RIN3: variants seen among roughly 807,000 people sequenced by gnomAD.
The protein encoded by RIN3 is Ras and Rab interactor 3.
In RIN3, 54 loss-of-function variants were observed where a neutral mutation model predicts 76.3. The observed-to-expected ratio is 0.71, with a 90% CI of 0.57 to 0.89. The LOEUF (loss-of-function observed/expected upper bound fraction) is 0.89. Ranked by LOEUF, RIN3 falls within the 40% of genes least tolerant of loss-of-function variation. The probability of loss-of-function intolerance (pLI) is 0.00; values close to 1 mark genes in which losing one functional copy is unlikely to be tolerated. For synonymous variants in RIN3, 576 were observed against 564.0 expected, an observed-to-expected ratio of 1.02 and a Z score of -0.30; for missense variants, 1,256 against 1,322.1, an observed-to-expected ratio of 0.95 and a Z score of 0.78.
chr14:92,587,673 C>T (rs1412288451), intron 3 of RIN3, among the ~76,000 whole-genome samples: 2 of 151,716 alleles, frequency 1.3e-5, no homozygotes, highest in African/African-American at 2.4e-5. Flanking sequence ...TCAACTGTCT[C>T]GGGGGTCCAG....
chr14:92,559,105 G>A (rs922485509), intron 2 of RIN3, among the ~76,000 whole-genome samples: 3 of 152,110 alleles, frequency 2.0e-5, no homozygotes, highest in South Asian at 2.1e-4. Flanking sequence ...GACCTCAGGT[G>A]ATCCTCCCAC....
At chr14:92,626,427 T>G (rs1157835445) in intron 4 of RIN3, among the ~76,000 whole-genome samples, 2 of 152,174 alleles carry the variant, frequency 1.3e-5, no homozygotes, top group African/African-American at 4.8e-5. Context: ...CTTAAGTTCT[T>G]TCTTTAAACC....
At chr14:92,570,239 A>G (rs1407557155) in intron 2 of RIN3, among the ~76,000 whole-genome samples, 1 of 152,156 alleles carries the variant, frequency 6.6e-6, no homozygotes, top group Non-Finnish European at 1.5e-5. Flanking sequence ...CAGGGGCACC[A>G]CTGGCTCCTG....
At chr14:92,538,288 G>A (rs1897055000) in intron 1 of RIN3, among the ~76,000 whole-genome samples, 1 of 152,220 alleles carries the variant, frequency 6.6e-6, no homozygotes, top group African/African-American at 2.4e-5. Flanking sequence ...GATTTTTAAT[G>A]GCTATATATT....
intron 2 of RIN3, among the ~76,000 whole-genome samples, chr14:92,559,049 C>A (rs1025603738): frequency 6.6e-6 from 1 of 151,914 alleles, no homozygotes; most frequent in Non-Finnish European, 1.5e-5. Flanking sequence ...GTATTTTTAG[C>A]AGAGACAGGG....
At chr14:92,682,786 T>C (rs1888713025) in intron 8 of RIN3, among the ~76,000 whole-genome samples, 1 of 152,220 alleles carries the variant, frequency 6.6e-6, no homozygotes, top group African/African-American at 2.4e-5. Flanking sequence ...TTGATGTTAC[T>C]TCCCCAAATA....
chr14:92,604,909 CTTTTTTTTTTTTTTTTTTTTTTT>C (rs148326639), intron 3 of RIN3, among the ~76,000 whole-genome samples: 1 of 90,050 alleles, frequency 1.1e-5, no homozygotes, highest in African/African-American at 4.9e-5. Flanking sequence ...CCATTTTCCT[CTTTTTTTTTTTTTTTTTTTTTTT>C]TTTTTTTTTT....
At chr14:92,630,428 G>C (rs544384428) in intron 4 of RIN3, among the ~76,000 whole-genome samples, 2 of 152,314 alleles carry the variant, frequency 1.3e-5, no homozygotes, top group East Asian at 3.9e-4. Flanking sequence ...GGAGGCAGAG[G>C]TTGCAGTGAA....
At chr14:92,582,211 G>A (rs966445455) in intron 3 of RIN3, among the ~76,000 whole-genome samples, 3 of 152,150 alleles carry the variant, frequency 2.0e-5, no homozygotes, top group African/African-American at 4.8e-5. Context: ...AGACAGAGAC[G>A]GCCAGCCTAC....
At chr14:92,609,408 G>A (rs1432232347) in intron 3 of RIN3, among the ~76,000 whole-genome samples, 9 of 152,170 alleles carry the variant, frequency 5.9e-5, no homozygotes, top group Non-Finnish European at 1.3e-4. Flanking sequence ...CCTGGTGCCT[G>A]TTCTCACACC....
intron 1 of RIN3, among the ~76,000 whole-genome samples, chr14:92,522,459 A>G (rs528567344): frequency 6.6e-6 from 1 of 152,276 alleles, no homozygotes; most frequent in Admixed American, 6.5e-5. Flanking sequence ...AGTACGTGTT[A>G]CCTTGTATTC....
At chr14:92,622,266 G>A (rs1288746214) in intron 4 of RIN3, among the ~76,000 whole-genome samples, 1 of 152,204 alleles carries the variant, frequency 6.6e-6, no homozygotes, top group African/African-American at 2.4e-5. Context: ...GCATCCTCCT[G>A]TGGGCTCCAA....
At chr14:92,528,996 G>A (rs959687598) in intron 1 of RIN3, among the ~76,000 whole-genome samples, 2 of 152,140 alleles carry the variant, frequency 1.3e-5, no homozygotes, top group African/African-American at 2.4e-5. Context: ...CCCATGGTAA[G>A]CTGGTGCCTG....
chr14:92,657,020 A>G (rs17128471), intron 6 of RIN3, among the ~76,000 whole-genome samples: 8,203 of 152,220 alleles, frequency 0.054, 640 homozygotes, highest in African/African-American at 0.18. Context: ...AGCTCTGCCC[A>G]TGTGTGTGGC....
intron 1 of RIN3, among the ~76,000 whole-genome samples, chr14:92,548,983 G>T (rs1415072960): frequency 6.6e-6 from 1 of 151,514 alleles, no homozygotes; most frequent in Non-Finnish European, 1.5e-5. Context: ...GCAAGTTGCT[G>T]CCCTGGCTGG....
At chr14:92,567,868 A>G (rs891321963) in intron 2 of RIN3, among the ~76,000 whole-genome samples, 3 of 152,218 alleles carry the variant, frequency 2.0e-5, no homozygotes, top group East Asian at 3.8e-4. Flanking sequence ...ACTTAAAATC[A>G]TAGCATGTGA....
chr14:92,535,110 G>A (rs1316046119), intron 1 of RIN3, among the ~76,000 whole-genome samples: 4 of 152,092 alleles, frequency 2.6e-5, no homozygotes, highest in Non-Finnish European at 5.9e-5. Context: ...ACGATTCCCC[G>A]ATCCTCACGC....
intron 5 of RIN3, among the ~76,000 whole-genome samples, chr14:92,647,193 T>C (rs7151520): frequency 0.18 from 27,081 of 152,150 alleles, 3,004 homozygotes; most frequent in Admixed American, 0.28. Context: ...ACTTGCAGGC[T>C]GAGTGCCATG....
chr14:92,599,119 A>T (rs1885252681), intron 3 of RIN3, among the ~76,000 whole-genome samples: 1 of 152,192 alleles, frequency 6.6e-6, no homozygotes, highest in Non-Finnish European at 1.5e-5. Flanking sequence ...AGCCACTCGC[A>T]GGGCAATGTG....
Sources: gnomAD v4.1 joint callset for allele counts (sites outside exome capture counted in the v4.1 genomes callset) on GRCh38, gnomAD v4.1.1 for gene constraint, MANE v1.5 for transcripts, NCBI Gene and HGNC (gene_info 2026-07-23, HGNC 2026-07-21) for gene names.